The following NRP2 variants were observed in gnomAD, a reference collection of about 807,000 sequenced individuals.
The protein encoded by NRP2 is neuropilin-2.
NRP2 carries 52 observed loss-of-function variants against 110.4 expected under a neutral mutation model. The observed-to-expected ratio is 0.47, with a 90% CI of 0.38 to 0.59. The LOEUF (loss-of-function observed/expected upper bound fraction) is 0.59. NRP2 is among the 20% of genes least tolerant of loss of function. NRP2 has a pLI of 0.00. For missense variants in NRP2, 1,049 were observed against 1,203.0 expected, an observed-to-expected ratio of 0.87 and a Z score of 1.89; for synonymous variants, 508 against 468.9, an observed-to-expected ratio of 1.08 and a Z score of -1.08.
At chr2:205,778,366 A>G (rs2058131538) in intron 15 of NRP2, 1 of 151,948 alleles carries the variant, frequency 6.6e-6, no homozygotes, top group African/African-American at 2.4e-5. Flanking sequence ...CTCTTACTCT[A>G]TTTCAAAGAG....
chr2:205,778,577 A>G (rs1324410934), intron 15 of NRP2: 3 of 152,240 alleles, frequency 2.0e-5, no homozygotes, highest in Non-Finnish European at 4.4e-5. Flanking sequence ...GTCCACATCC[A>G]GTCATGCATT....
At chr2:205,758,928 A>G (rs2057777602) in intron 12 of NRP2, among the ~76,000 whole-genome samples, 1 of 150,250 alleles carries the variant, frequency 6.7e-6, no homozygotes, top group Non-Finnish European at 1.5e-5. Flanking sequence ...CCCCGCCCCC[A>G]CCATACCAGC....
chr2:205,691,570 A>C (rs1011558864), intron 1 of NRP2, among the ~76,000 whole-genome samples: 1 of 152,258 alleles, frequency 6.6e-6, no homozygotes, highest in African/African-American at 2.4e-5. Flanking sequence ...GGAGCCATTA[A>C]TGTTTCAACA....
chr2:205,792,322 T>C, intron 16 of NRP2, 37 bp downstream of exon 16: 1 of 1,548,088 alleles, frequency 6.5e-7, no homozygotes, highest in Non-Finnish European at 8.9e-7. Flanking sequence ...AATCGTAAAA[T>C]TCAAGTTTGG....
Position 205,723,804 on chromosome 2 carries a change from G to C in NRP2, c.684G>C (p.Lys228Asn). 2 of 1,614,202 alleles carry C rather than the reference G, an allele frequency of 1.2e-6. No homozygotes were observed. The highest frequency in any genetic ancestry group is 1.7e-6 in the Non-Finnish European group (2 of 1,180,040). Residue 228 changes from lysine to asparagine, a missense_variant, in exon 5 of 17, where the codon AAG becomes AAC. Physicochemically the swap from Lys to Asn is moderately conservative, Grantham distance 94 (BLOSUM62 0). Transcript: ENST00000357785. Reference sequence around the variant, plus strand: ...GTCCAGTTGGCCCCCTGATTGGCAAGTACTGTGGGACCAAAACACCCTCTG... The same window carrying C: ...GTCCAGTTGGCCCCCTGATTGGCAACTACTGTGGGACCAAAACACCCTCTG... ...GIPHVGPLIGKYCGTKTPSEL... is the reference protein window; with the variant it reads ...GIPHVGPLIGNYCGTKTPSEL...
chr2:205,683,443 A>G, intron 1 of NRP2, 80 bp downstream of exon 1: 1 of 962,126 alleles, frequency 1.0e-6, no homozygotes. Flanking sequence ...AAGGCCACGC[A>G]GAACGGCACA....
At chr2:205,742,389 TAAAC>T (rs762759667) in intron 8 of NRP2, among the ~76,000 whole-genome samples, 1 of 152,188 alleles carries the variant, frequency 6.6e-6, no homozygotes, top group African/African-American at 2.4e-5. Context: ...AGATAGATAA[TAAAC>T]AAATGCAAGT....
intron 7 of NRP2, among the ~76,000 whole-genome samples, chr2:205,729,942 T>TTTTTTGTTTTTG: frequency 6.6e-6 from 1 of 152,122 alleles, no homozygotes; most frequent in East Asian, 1.9e-4. Flanking sequence ...ACTTGAGAGT[T>TTTTTTGTTTTTG]TTTTTGTTTT....
intron 15 of NRP2, chr2:205,776,360 C>T (rs780820674): frequency 1.9e-6 from 3 of 1,613,154 alleles, no homozygotes; most frequent in South Asian, 1.1e-5. Context: ...GTGCTGGTCT[C>T]CGTCGCGCTG....
intron 15 of NRP2, among the ~76,000 whole-genome samples, chr2:205,789,413 C>T (rs1405321649): frequency 6.6e-6 from 1 of 152,180 alleles, no homozygotes; most frequent in East Asian, 1.9e-4. Flanking sequence ...TTCCACTCTC[C>T]CTAGCCCATC....
intron 12 of NRP2, among the ~76,000 whole-genome samples, chr2:205,757,426 G>T (rs1007559135): frequency 6.6e-6 from 1 of 152,098 alleles, no homozygotes; most frequent in Non-Finnish European, 1.5e-5. Flanking sequence ...CATGATTCAC[G>T]GTGGAGGCGC....
rs139651269 is a variant in NRP2 at position 205,797,836 on chromosome 2, G to A, written c.*2778G>A. The A allele has an allele frequency of 6.5e-6, 1 of 152,718 alleles. No individual in the cohort carries two copies. The allele number at this position is 152,718 out of a possible 1,614,324, so 9.5% of individuals were successfully genotyped here. Reference sequence around the variant, plus strand: ...GACTAGGTGGTCAACAGGGCCACAGGGTTGCTTTCTGTCTTTGGTGGGGCA... The same window carrying A: ...GACTAGGTGGTCAACAGGGCCACAGAGTTGCTTTCTGTCTTTGGTGGGGCA... On this transcript the variant is annotated 3_prime_UTR_variant, in exon 17 of 17. Coordinates refer to ENST00000357785, the MANE Select transcript of NRP2 (RefSeq NM_003872.3).
rs541099692 is a variant in NRP2 at position 205,745,934 on chromosome 2, C to A, written c.1786+44C>A. ...CTCTTTGCATCTCACCCACATGGTC[C>A]TCTGACCCTGGCATCCCACGAGGCC... is the stretch of plus-strand genomic sequence containing the variant. On this transcript the variant is annotated intron_variant, in intron 10 of 16. Coordinates refer to ENST00000357785, the MANE Select transcript of NRP2 (RefSeq NM_003872.3). 64 of 1,611,356 alleles carry A rather than the reference C, an allele frequency of 4.0e-5. 1 individual carries two copies. In the South Asian group the frequency reaches 6.7e-4, roughly 17 times the overall value.
chr2:205,705,183 GAAA>G (rs5837991), intron 2 of NRP2, among the ~76,000 whole-genome samples: 1 of 144,134 alleles, frequency 6.9e-6, no homozygotes. Flanking sequence ...AATAATTCCA[GAAA>G]AAAAAAAAAA....
chr2:205,711,472 G>A (rs1020711455), intron 2 of NRP2, among the ~76,000 whole-genome samples: 1 of 152,162 alleles, frequency 6.6e-6, no homozygotes, highest in Non-Finnish European at 1.5e-5. Context: ...TTGTCCTTAA[G>A]CCTGAAGGAT....
In NRP2 at chr2:205,763,850, A is replaced by G. The variant is rs1168016066; in HGVS notation, c.2221A>G (p.Lys741Glu). Residue 741 changes from lysine (K) to glutamate (E), a missense_variant, in exon 13 of 17, where the codon AAG (lysine) becomes GAG (glutamate). Lys to Glu is a moderately conservative substitution (Grantham distance 56, BLOSUM62 1). Transcript: ENST00000357785. This position sits in a 1 kb window ranked among gnomAD's most constrained non-coding sequence, Gnocchi z 4.0. ...GGTGCGGGAAGCCAGCCAGGAGAGC[A>G]AGTTGCTGTGGGTCATCCGTGAGGA... is the stretch of plus-strand genomic sequence containing the variant. ...QVVREASQES[K>E]LLWVIREDQG... The G allele has an allele frequency of 6.2e-7, 1 of 1,614,116 alleles. No individual in the cohort carries two copies. Among genetic ancestry groups the G allele is most frequent in the Admixed American group, 1.7e-5 (1 of 60,020 alleles).
chr2:205,754,889 G>A (rs1177660210), intron 12 of NRP2, among the ~76,000 whole-genome samples: 1 of 152,140 alleles, frequency 6.6e-6, no homozygotes, highest in East Asian at 1.9e-4. Flanking sequence ...TGCAGGCTGG[G>A]GAGGTTGGCT....
intron 3 of NRP2, 64 bp from the exon 4 acceptor site, chr2:205,722,414 A>G: frequency 7.6e-7 from 1 of 1,320,784 alleles, no homozygotes; most frequent in Non-Finnish European, 1.1e-6. Context: ...TAAATAACCC[A>G]TGTGACAGAG....
chr2:205,731,520 G>C (rs958165454), intron 7 of NRP2, among the ~76,000 whole-genome samples: 1 of 152,202 alleles, frequency 6.6e-6, no homozygotes, highest in Non-Finnish European at 1.5e-5. Flanking sequence ...CCTCGGGAAT[G>C]GAACCACAGC....
Sources: allele counts gnomAD v4.1 joint callset (sites outside exome capture counted in the v4.1 genomes callset), GRCh38; gene constraint gnomAD v4.1.1; non-coding constraint Gnocchi (gnomAD v3.1); transcripts MANE v1.5; gene names NCBI Gene and HGNC (gene_info 2026-07-23, HGNC 2026-07-21).